Variants in ECT2L observed in about 807,000 individuals in gnomAD.
ECT2L encodes epithelial cell-transforming sequence 2 oncogene-like.
ECT2L carries 126 observed loss-of-function variants against 122.8 expected under a neutral mutation model. The observed-to-expected ratio is 1.03, with a 90% confidence interval of 0.89 to 1.19. The LOEUF (loss-of-function observed/expected upper bound fraction) is 1.19, where lower values mean the gene tolerates loss of function less well. ECT2L is among the 50% of genes most tolerant of loss of function. The pLI is 0.00. For synonymous variants in ECT2L, 385 were observed against 381.8 expected (o/e 1.01, Z -0.10); for missense variants, 1,012 against 1,064.1 (o/e 0.95, Z 0.68).
intron 16 of ECT2L, among the ~76,000 whole-genome samples, chr6:138,883,458 CCCT>C (rs1338296451): frequency 2.0e-5 from 3 of 152,210 alleles, no homozygotes; most frequent in African/African-American, 4.8e-5. Flanking sequence ...CCTCTTTCTT[CCCT>C]CCTCAATTGG....
At chr6:138,813,436 A>G (rs1775966866) in intron 3 of ECT2L, 96 bp downstream of exon 3, 3 of 912,524 alleles carry the variant, frequency 3.3e-6, no homozygotes, top group East Asian at 5.3e-5. Flanking sequence ...TTAAAGAAAA[A>G]CTCTCTAAAG....
intron 5 of ECT2L, among the ~76,000 whole-genome samples, 187 bp from the exon 6 acceptor site, chr6:138,842,791 AT>A (rs1203178991): frequency 2.6e-5 from 4 of 152,228 alleles, no homozygotes; most frequent in African/African-American, 9.6e-5. Flanking sequence ...AAAATAAAAT[AT>A]AAAAAAAATT....
intron 1 of ECT2L, among the ~76,000 whole-genome samples, chr6:138,806,513 T>TC (rs1244163043): frequency 5.4e-5 from 7 of 129,530 alleles, no homozygotes; most frequent in Non-Finnish European, 4.9e-5. Context: ...AATTCACGCT[T>TC]TTTTTTTTTT....
intron 10 of ECT2L, among the ~76,000 whole-genome samples, chr6:138,856,656 GTC>G (rs542776822): frequency 2.6e-5 from 4 of 152,122 alleles, no homozygotes; most frequent in African/African-American, 9.7e-5. Flanking sequence ...ATCTGAACTT[GTC>G]TCTCTTTTTT....
At chr6:138,897,926 CT>C (rs1423536120) in intron 20 of ECT2L, among the ~76,000 whole-genome samples, 1 of 152,196 alleles carries the variant, frequency 6.6e-6, no homozygotes, top group Non-Finnish European at 1.5e-5. Context: ...GCAAGTACCT[CT>C]TTGAATGCTG....
chr6:138,819,204 G>A (rs938113802), intron 4 of ECT2L, among the ~76,000 whole-genome samples: 1 of 149,864 alleles, frequency 6.7e-6, no homozygotes, highest in Non-Finnish European at 1.5e-5. Flanking sequence ...ATTTGCAATT[G>A]GGATGGTTTT....
chr6:138,830,364 T>TA (rs966540065), intron 4 of ECT2L, among the ~76,000 whole-genome samples: 2 of 152,170 alleles, frequency 1.3e-5, no homozygotes, highest in African/African-American at 4.8e-5. Flanking sequence ...GACTTAGCTT[T>TA]ACCGATGCAG....
At chr6:138,847,730 CAA>C (rs1777286259) in intron 8 of ECT2L, among the ~76,000 whole-genome samples, 1 of 152,026 alleles carries the variant, frequency 6.6e-6, no homozygotes, top group Non-Finnish European at 1.5e-5. Flanking sequence ...ATAACTCACT[CAA>C]GTGTCAAAGT....
chr6:138,891,745 T>C (rs1378352956), intron 20 of ECT2L, among the ~76,000 whole-genome samples: 1 of 152,194 alleles, frequency 6.6e-6, no homozygotes, highest in Admixed American at 6.5e-5. Flanking sequence ...GGGCACATTT[T>C]CTCAGGACTT....
At position 138,797,774 on chromosome 6, in the gene ECT2L, G is replaced by A. The variant is rs183049508; in HGVS notation, c.-244+1582G>A. On this transcript the variant is annotated intron_variant, in intron 1 of 21. Transcript: ENST00000541398. ...ATTCTCCAGTGGCCACCAACTCTAC[G>A]TCCTATAATTTAACCCAGTTCTGAC... Among the ~76,000 whole-genome samples, 351 of 151,698 alleles carry A rather than the reference G, an allele frequency of 2.3e-3. 1 individual carries two copies. Among genetic ancestry groups the A allele is most frequent in the Admixed American group, 0.014 (220 of 15,244 alleles).
chr6:138,826,123 T>C (rs1350227752), intron 4 of ECT2L, among the ~76,000 whole-genome samples: 7 of 152,170 alleles, frequency 4.6e-5, no homozygotes, highest in African/African-American at 1.7e-4. Context: ...CAATCAGCCC[T>C]TTCCTTGGTA....
At chr6:138,839,382 T>C (rs1171387657) in intron 5 of ECT2L, among the ~76,000 whole-genome samples, 2 of 151,028 alleles carry the variant, frequency 1.3e-5, no homozygotes, top group African/African-American at 4.9e-5. Flanking sequence ...TTTTTTTTCC[T>C]GAGACAGGAT....
At position 138,876,453 on chromosome 6, in the gene ECT2L, G is replaced by GT. The variant is rs770958422; in HGVS notation, c.1579-16dup. ...GTCAAGACCTGCCTCCAATAACCAAGTTTCCATTCAATCTTCAGGAAAGAA... is the reference window on the plus strand; with the variant it reads ...GTCAAGACCTGCCTCCAATAACCAAGTTTTCCATTCAATCTTCAGGAAAGAA... On this transcript the variant is annotated intron_variant, in intron 13 of 21. Transcript: ENST00000541398. 6.3e-7 allele frequency: 1 copy of GT among 1,583,972 alleles called. No individual in the cohort carries two copies. The highest frequency in any genetic ancestry group is 8.7e-7 in the Non-Finnish European group (1 of 1,153,522).
At chr6:138,878,320 C>T (rs1425111536) in intron 14 of ECT2L, among the ~76,000 whole-genome samples, 1 of 152,058 alleles carries the variant, frequency 6.6e-6, no homozygotes, top group South Asian at 2.1e-4. Context: ...CACACACACA[C>T]ACACACACAC....
intron 3 of ECT2L, among the ~76,000 whole-genome samples, chr6:138,813,616 A>T (rs998145851): frequency 6.6e-6 from 1 of 152,184 alleles, no homozygotes; most frequent in African/African-American, 2.4e-5. Flanking sequence ...GTTGCTGTAG[A>T]TAGGGAAGGA....
chr6:138,837,102 G>A (rs563031969), intron 4 of ECT2L, among the ~76,000 whole-genome samples: 4 of 152,112 alleles, frequency 2.6e-5, no homozygotes, highest in South Asian at 2.1e-4. Context: ...ATGTACACAC[G>A]TGTACATATA....
Position 138,843,187 on chromosome 6 carries a change from A to G in ECT2L, c.551A>G (p.Lys184Arg). ...DEELLERQRE[K>R]CLRKRIWEKI... ...GAACTACTGGAGAGACAAAGAGAAAAGTGCCTGAGGAAAAGAATTTGGGAG... is the reference window on the plus strand; with the variant it reads ...GAACTACTGGAGAGACAAAGAGAAAGGTGCCTGAGGAAAAGAATTTGGGAG... The change falls in exon 6 of 22, where the codon AAG becomes AGG. Residue 184 changes from lysine (K) to arginine (R), a missense_variant. Transcript: ENST00000541398. 1.2e-6 allele frequency: 2 copies of G among 1,612,482 alleles called. No individual in the cohort carries two copies. The highest frequency in any genetic ancestry group is 1.7e-6 in the Non-Finnish European group (2 of 1,179,132).
chr6:138,885,560 A>G lies in ECT2L; in HGVS notation c.2083A>G (p.Ile695Val), dbSNP rs200137382. 2.5e-5 allele frequency: 40 copies of G among 1,614,196 alleles called. No homozygotes were observed. In the East Asian group the frequency reaches 7.8e-4, roughly 31 times the overall value. Residue 695 changes from isoleucine to valine, a missense_variant, in exon 17 of 22, where the codon ATT becomes GTT. Ile to Val is a conservative substitution (Grantham distance 29). Coordinates refer to ENST00000541398, the MANE Select transcript of ECT2L (RefSeq NM_001077706.3). Reference sequence around the variant, plus strand: ...TTTCCTGAAGAGGCATGATAAGACCATTGTTACCAAAATGCTGAGGTACGT... The same window carrying G: ...TTTCCTGAAGAGGCATGATAAGACCGTTGTTACCAAAATGCTGAGGTACGT... ...RTFLKRHDKT[I>V]VTKMLSLPEL...
intron 10 of ECT2L, among the ~76,000 whole-genome samples, chr6:138,856,671 C>G (rs1264770046): frequency 1.3e-5 from 2 of 152,120 alleles, no homozygotes; most frequent in African/African-American, 4.8e-5. Flanking sequence ...TCTTTTTTGG[C>G]TAAATCCCAA....
Sources: gnomAD v4.1 joint callset for allele counts (sites outside exome capture counted in the v4.1 genomes callset) on GRCh38, gnomAD v4.1.1 for gene constraint, MANE v1.5 for transcripts, NCBI Gene and HGNC (gene_info 2026-07-23, HGNC 2026-07-21) for gene names.